Variants in NPAS2 observed in about 807,000 individuals in gnomAD.
NPAS2 encodes neuronal PAS domain protein 2.
NPAS2 carries 23 observed loss-of-function variants against 107.5 expected under a neutral mutation model. The observed-to-expected ratio is 0.21, with a 90% CI of 0.15 to 0.30. The LOEUF is 0.30. NPAS2 is among the 10% of genes least tolerant of loss of function. The probability of loss-of-function intolerance (pLI) is 1.00; values close to 1 mark genes in which losing one functional copy is unlikely to be tolerated. For missense variants in NPAS2, 756 were observed against 1,043.3 expected, an observed-to-expected ratio of 0.72 and a Z score of 3.79; for synonymous variants, 403 against 417.5, an observed-to-expected ratio of 0.97 and a Z score of 0.42.
intron 2 of NPAS2, among the ~76,000 whole-genome samples, chr2:100,910,179 C>G (rs1682450977): frequency 6.6e-6 from 1 of 152,194 alleles, no homozygotes; most frequent in Non-Finnish European, 1.5e-5. Context: ...CTTGAAAATG[C>G]TGCCTTTCTT....
chr2:100,982,577 C>T (rs573765297), intron 16 of NPAS2, 200 bp downstream of exon 16: 11 of 614,576 alleles, frequency 1.8e-5, no homozygotes, highest in Middle Eastern at 4.4e-4. Context: ...AGGCCACACC[C>T]CTGATGTCCT....
intron 1 of NPAS2, among the ~76,000 whole-genome samples, chr2:100,832,919 G>A (rs895592467): frequency 2.6e-5 from 4 of 152,084 alleles, no homozygotes; most frequent in African/African-American, 4.8e-5. Flanking sequence ...ATGAAGCAAC[G>A]GCATCTCTTT....
chr2:100,995,314 T>C, intron 20 of NPAS2, 86 bp from the exon 21 acceptor site: 2 of 1,199,692 alleles, frequency 1.7e-6, no homozygotes, highest in South Asian at 1.5e-5. Flanking sequence ...TAACTCAACC[T>C]GCAGCATGCC....
intron 1 of NPAS2, among the ~76,000 whole-genome samples, chr2:100,849,572 A>T (rs1424647942): frequency 6.6e-6 from 1 of 152,174 alleles, no homozygotes; most frequent in Non-Finnish European, 1.5e-5. Context: ...TAATCACAAC[A>T]TTACTATAAA....
chr2:100,952,043 T>C (rs1248378712), intron 7 of NPAS2, among the ~76,000 whole-genome samples: 1 of 149,134 alleles, frequency 6.7e-6, no homozygotes, highest in Non-Finnish European at 1.5e-5. Context: ...TCCCAGCTAC[T>C]AGGGAGGCTG....
intron 5 of NPAS2, among the ~76,000 whole-genome samples, 200 bp downstream of exon 5, chr2:100,938,042 G>A (rs1190087881): frequency 6.6e-6 from 1 of 152,208 alleles, no homozygotes; most frequent in African/African-American, 2.4e-5. Flanking sequence ...AAGGGCAGAT[G>A]CAGGCGTGTG....
At chr2:100,830,814 C>A (rs184151704) in intron 1 of NPAS2, among the ~76,000 whole-genome samples, 16 of 152,256 alleles carry the variant, frequency 1.1e-4, no homozygotes, top group Non-Finnish European at 1.5e-5. Flanking sequence ...GGGTGAAGAC[C>A]TTTTAGAAGC....
At chr2:100,855,452 T>C (rs1429652553) in intron 1 of NPAS2, among the ~76,000 whole-genome samples, 1 of 152,214 alleles carries the variant, frequency 6.6e-6, no homozygotes, top group Non-Finnish European at 1.5e-5. Flanking sequence ...CATTCTTGGA[T>C]CCTATTTGTG....
Position 100,995,814 on chromosome 2 carries a change from T to G in NPAS2, c.*232T>G. The G allele has an allele frequency of 6.5e-7, 1 of 1,528,770 alleles. No homozygotes were observed. Among genetic ancestry groups the G allele is most frequent in the Non-Finnish European group, 8.8e-7 (1 of 1,133,740 alleles). 94.7% of individuals were successfully genotyped at this position (1,528,770 alleles called of 1,614,324 possible). Reference sequence around the variant, plus strand: ...CTCCGAGGTTCTTGGGCACACTCTATAGCCATACTGGACAGGAACCAGGTG... The same window carrying G: ...CTCCGAGGTTCTTGGGCACACTCTAGAGCCATACTGGACAGGAACCAGGTG... On this transcript the variant is annotated 3_prime_UTR_variant, in exon 21 of 21. Transcript: ENST00000335681.
chr2:100,861,213 C>T (rs1243412349), intron 1 of NPAS2, among the ~76,000 whole-genome samples: 1 of 152,114 alleles, frequency 6.6e-6, no homozygotes, highest in Non-Finnish European at 1.5e-5. Flanking sequence ...GGGTTCCGAG[C>T]TGCTCAGTGG....
chr2:100,875,583 T>C (rs1679910761), intron 1 of NPAS2, among the ~76,000 whole-genome samples: 1 of 151,992 alleles, frequency 6.6e-6, no homozygotes, highest in South Asian at 2.1e-4. Context: ...AGCTGGTTCC[T>C]ACACAGCGCG....
At chr2:100,872,093 T>A (rs747046492) in intron 1 of NPAS2, among the ~76,000 whole-genome samples, 58 of 152,238 alleles carry the variant, frequency 3.8e-4, no homozygotes, top group Admixed American at 2.3e-3. Flanking sequence ...TTTTGAGTCA[T>A]CAGCTTGAGC....
chr2:100,940,540 A>G (rs1013497325), intron 5 of NPAS2, among the ~76,000 whole-genome samples: 5 of 152,214 alleles, frequency 3.3e-5, no homozygotes, highest in Non-Finnish European at 1.5e-5. Context: ...AGCAGGCACC[A>G]TTAAGAGTCA....
intron 1 of NPAS2, among the ~76,000 whole-genome samples, chr2:100,857,195 G>A (rs962123873): frequency 3.3e-5 from 5 of 151,934 alleles, no homozygotes; most frequent in Admixed American, 1.3e-4. Flanking sequence ...CTACTTGGGA[G>A]GCTGAGGCAG....
chr2:100,881,117 G>A (rs1046880435), intron 1 of NPAS2, among the ~76,000 whole-genome samples: 9 of 152,204 alleles, frequency 5.9e-5, no homozygotes, highest in Admixed American at 5.9e-4. Flanking sequence ...CTGGGCATCC[G>A]GACAAAGGCC....
At position 100,874,703 on chromosome 2, in the gene NPAS2, T is replaced by C. The variant is rs560914163; in HGVS notation, c.-22-30030T>C. ...GTTGCAGTGAGCTGAGATCACACCA[T>C]TGCACTCCAGCCTGGGGGACAGGAG... is the stretch of plus-strand genomic sequence containing the variant. On this transcript the variant is annotated intron_variant, in intron 1 of 20. Coordinates refer to ENST00000335681, the MANE Select transcript of NPAS2 (RefSeq NM_002518.4). Among the ~76,000 whole-genome samples the C allele has an allele frequency of 2.0e-5, 3 of 152,044 alleles. No homozygotes were observed. In the South Asian group the frequency reaches 6.2e-4, roughly 32 times the overall value.
At position 100,968,881 on chromosome 2, in the gene NPAS2, T is replaced by A. The variant is rs767977629; in HGVS notation, c.1055+453T>A. Among the ~76,000 whole-genome samples, 7 of 152,194 alleles carry A rather than the reference T, an allele frequency of 4.6e-5. No individual in the cohort carries two copies. Among genetic ancestry groups the A allele is most frequent in the Non-Finnish European group, 1.0e-4 (7 of 68,026 alleles). ...TGCTTTAAAAACCCCTGCTGGCAAC[T>A]GAGGCAGTGTTGGGAAAACAGCCTG... On this transcript the variant is annotated intron_variant, in intron 11 of 20. Transcript: ENST00000335681. The surrounding 1 kb of genome is among the most constrained non-coding windows in gnomAD (Gnocchi z 5.3).
intron 1 of NPAS2, among the ~76,000 whole-genome samples, chr2:100,885,288 A>G (rs1032555477): frequency 6.6e-6 from 1 of 152,204 alleles, no homozygotes; most frequent in Non-Finnish European, 1.5e-5. Context: ...AATGAATTGC[A>G]ATGAATATGT....
At chr2:100,952,354 C>T (rs986275455) in intron 7 of NPAS2, among the ~76,000 whole-genome samples, 1 of 151,922 alleles carries the variant, frequency 6.6e-6, no homozygotes, top group Non-Finnish European at 1.5e-5. Flanking sequence ...CACCTGAGGT[C>T]GGGAATTTGA....
Sources: gnomAD v4.1 joint callset for allele counts (sites outside exome capture counted in the v4.1 genomes callset) on GRCh38, gnomAD v4.1.1 for gene constraint, Gnocchi (gnomAD v3.1) non-coding constraint, MANE v1.5 for transcripts, NCBI Gene and HGNC (gene_info 2026-07-23, HGNC 2026-07-21) for gene names.